Variants in SHISA9 observed in about 807,000 individuals in gnomAD.
SHISA9 encodes protein shisa-9.
In SHISA9, 13 loss-of-function variants were observed where a neutral mutation model predicts 38.0. That is an observed-to-expected ratio of 0.34 (90% CI 0.22 to 0.54). SHISA9 has a LOEUF of 0.54. SHISA9 is among the 20% of genes least tolerant of loss of function. The pLI is 0.91. For synonymous variants in SHISA9, 275 were observed against 242.0 expected, an observed-to-expected ratio of 1.14 and a Z score of -1.27; for missense variants, 538 against 575.8, an observed-to-expected ratio of 0.93 and a Z score of 0.67.
rs1270568287 is a variant in SHISA9, at chr16:13,190,873, T to C, written c.692-12521T>C. ...CATATAAACTCTTGGGTAACACCAA[T>C]GCCTCATTTTCCAAAGGTTTTATGA... On this transcript the variant is annotated intron_variant, in intron 2 of 4. Coordinates refer to ENST00000558583, the MANE Select transcript of SHISA9 (RefSeq NM_001145204.3). Among the ~76,000 whole-genome samples, 4 of 152,346 alleles carry C rather than the reference T, an allele frequency of 2.6e-5. No individual in the cohort carries two copies. The East Asian group carries it at 5.8e-4, about 22-fold the overall frequency.
the SHISA9 span, among the ~76,000 whole-genome samples, chr16:13,435,393 A>T: frequency 1.5e-3 from 236 of 152,374 alleles, 1 homozygote; most frequent in African/African-American, 5.3e-3. Flanking sequence ...AACATCAGGC[A>T]AATGACAGTA....
At chr16:12,956,907 G>T (rs531654855) in intron 2 of SHISA9, among the ~76,000 whole-genome samples, 2 of 152,132 alleles carry the variant, frequency 1.3e-5, no homozygotes, top group African/African-American at 2.4e-5. Flanking sequence ...AGATATATAT[G>T]AAACCTAGAT....
At chr16:12,932,012 T>C (rs1250985072) in intron 2 of SHISA9, among the ~76,000 whole-genome samples, 1 of 152,166 alleles carries the variant, frequency 6.6e-6, no homozygotes, top group African/African-American at 2.4e-5. Flanking sequence ...TGAATAAGTC[T>C]CATGAGACCT....
At chr16:13,211,221 C>CG (rs1316523493) in intron 3 of SHISA9, among the ~76,000 whole-genome samples, 1 of 151,138 alleles carries the variant, frequency 6.6e-6, no homozygotes, top group Admixed American at 6.6e-5. Context: ...CACTTGAACC[C>CG]GGGGGGCAGT....
At chr16:13,517,192 A>T in the SHISA9 span, among the ~76,000 whole-genome samples, 1 of 152,208 alleles carries the variant, frequency 6.6e-6, no homozygotes, top group African/African-American at 2.4e-5. Flanking sequence ...GGAGTGATGC[A>T]TCTACAAGCC....
chr16:13,341,294 T>C, the SHISA9 span, among the ~76,000 whole-genome samples: 1 of 152,220 alleles, frequency 6.6e-6, no homozygotes, highest in Non-Finnish European at 1.5e-5. Context: ...TCTTAAAGTA[T>C]GCTTTTTTCT....
the SHISA9 span, among the ~76,000 whole-genome samples, chr16:13,460,764 C>G: frequency 1.3e-5 from 2 of 152,192 alleles, no homozygotes; most frequent in Non-Finnish European, 2.9e-5. Context: ...CCTTCCTTCT[C>G]TCTGGTGTGA....
At chr16:13,215,066 C>A (rs752920947) in intron 4 of SHISA9, among the ~76,000 whole-genome samples, 3 of 151,928 alleles carry the variant, frequency 2.0e-5, no homozygotes, top group Non-Finnish European at 4.4e-5. Context: ...TGGGTGGTGA[C>A]CTGCACTGAG....
intron 2 of SHISA9, among the ~76,000 whole-genome samples, chr16:13,159,132 G>A (rs1042817313): frequency 1.3e-5 from 2 of 150,986 alleles, no homozygotes; most frequent in Admixed American, 6.6e-5. Context: ...AACAAAAAAC[G>A]AAACTAAACT....
At chr16:13,149,308 G>C (rs2050476312) in intron 2 of SHISA9, among the ~76,000 whole-genome samples, 1 of 152,222 alleles carries the variant, frequency 6.6e-6, no homozygotes, top group South Asian at 2.1e-4. Context: ...TTGAAGGGCA[G>C]CTGGGGATAC....
chr16:13,342,733 T>A, the SHISA9 span, among the ~76,000 whole-genome samples: 1 of 152,224 alleles, frequency 6.6e-6, no homozygotes, highest in Non-Finnish European at 1.5e-5. Context: ...GCCATTATTA[T>A]TCTGATTAGA....
intron 2 of SHISA9, among the ~76,000 whole-genome samples, chr16:13,134,190 C>T (rs2050328537): frequency 6.6e-6 from 1 of 152,192 alleles, no homozygotes; most frequent in Admixed American, 6.5e-5. Context: ...GTAAACTAAG[C>T]TACTTAACCT....
At chr16:13,206,073 C>G (rs2051061102) in intron 3 of SHISA9, among the ~76,000 whole-genome samples, 1 of 151,972 alleles carries the variant, frequency 6.6e-6, no homozygotes, top group African/African-American at 2.4e-5. Flanking sequence ...CCAGGAAGGA[C>G]TTCTTTAAAC....
At chr16:13,302,621 C>T in the SHISA9 span, among the ~76,000 whole-genome samples, 1 of 152,186 alleles carries the variant, frequency 6.6e-6, no homozygotes, top group Non-Finnish European at 1.5e-5. Flanking sequence ...TGGCATCTCA[C>T]AGGGAGCCAT....
At chr16:13,153,681 G>A (rs1257704148) in intron 2 of SHISA9, among the ~76,000 whole-genome samples, 12 of 152,124 alleles carry the variant, frequency 7.9e-5, no homozygotes, top group Admixed American at 7.9e-4. Flanking sequence ...CCTCCGGAGG[G>A]TATCAAACCT....
intron 2 of SHISA9, among the ~76,000 whole-genome samples, chr16:13,114,465 C>CAAAAAAA (rs58742818): frequency 5.9e-5 from 3 of 51,006 alleles, no homozygotes; most frequent in African/African-American, 2.2e-4. Flanking sequence ...GATTCCATCT[C>CAAAAAAA]AAAAAAAAAA....
chr16:13,063,222 G>A (rs1338848573), intron 2 of SHISA9, among the ~76,000 whole-genome samples: 1 of 152,032 alleles, frequency 6.6e-6, no homozygotes, highest in Non-Finnish European at 1.5e-5. Flanking sequence ...TAGCCAGGAT[G>A]GTCTTGATCT....
At chr16:13,491,410 G>A in the SHISA9 span, among the ~76,000 whole-genome samples, 3 of 147,728 alleles carry the variant, frequency 2.0e-5, no homozygotes, top group Non-Finnish European at 3.0e-5. Context: ...ACCTTTTGGA[G>A]ACTTTCCTGA....
At chr16:12,919,170 TTTGA>T (rs66717888) in intron 2 of SHISA9, among the ~76,000 whole-genome samples, 37,547 of 151,870 alleles carry the variant, frequency 0.25, 5,139 homozygotes, top group Non-Finnish European at 0.31. Flanking sequence ...CAGAGAACAT[TTTGA>T]TTGATAGCAA....
Sources: gnomAD v4.1 joint callset for allele counts (sites outside exome capture counted in the v4.1 genomes callset) on GRCh38, gnomAD v4.1.1 for gene constraint, MANE v1.5 for transcripts, NCBI Gene and HGNC (gene_info 2026-07-23, HGNC 2026-07-21) for gene names.